The following SHOC1 variants were observed in gnomAD, a reference collection of about 807,000 sequenced individuals.
The protein encoded by SHOC1 is shortage in chiasmata 1, also known as protein shortage in chiasmata 1 ortholog.
A neutral mutation model predicts 179.2 loss-of-function variants in SHOC1; 136 were observed. That is an observed-to-expected ratio of 0.76 (90% CI 0.66 to 0.87). The LOEUF (loss-of-function observed/expected upper bound fraction) is 0.87, where lower values mean the gene tolerates loss of function less well. Ranked by LOEUF, SHOC1 falls within the 40% of genes least tolerant of loss-of-function variation. The pLI is 0.00. For missense variants in SHOC1, 1,538 were observed against 1,700.8 expected (o/e 0.90, Z 1.68); for synonymous variants, 489 against 586.6 (o/e 0.83, Z 2.41).
Position 111,727,753 on chromosome 9 carries a change from A to C in SHOC1, c.1714T>G (p.Phe572Val). Residue 572 changes from phenylalanine to valine, a missense_variant, in exon 13 of 28, where the codon TTT (phenylalanine) becomes GTT (valine). Physicochemically the swap from Phe to Val is conservative, Grantham distance 50. Coordinates refer to ENST00000682961, the MANE Select transcript of SHOC1 (RefSeq NM_001378211.1). ...PSSSIIKKAS[F>V]EHGKKQENDL... ...TTCTCTTGTTTTTTGCCATGTTCAA[A>C]AGATGCTTTTTTAATTATTGAAGAG... The C allele has an allele frequency of 6.2e-7, 1 of 1,613,460 alleles. No homozygotes were observed. Among genetic ancestry groups the C allele is most frequent in the Non-Finnish European group, 8.5e-7 (1 of 1,179,674 alleles).
At chr9:111,767,511 T>G (rs1835402705) in intron 5 of SHOC1, among the ~76,000 whole-genome samples, 1 of 152,210 alleles carries the variant, frequency 6.6e-6, no homozygotes, top group African/African-American at 2.4e-5. Flanking sequence ...ACTGGATTTA[T>G]AGTGGGGTTC....
chr9:111,761,743 G>A (rs1835147417), intron 5 of SHOC1, among the ~76,000 whole-genome samples: 1 of 152,002 alleles, frequency 6.6e-6, no homozygotes, highest in Non-Finnish European at 1.5e-5. Context: ...AAAACAAAAA[G>A]ATGCAGATGG....
At chr9:111,784,358 A>AC (rs896293562) in intron 3 of SHOC1, among the ~76,000 whole-genome samples, 1 of 151,996 alleles carries the variant, frequency 6.6e-6, no homozygotes, top group Non-Finnish European at 1.5e-5. Context: ...CTATTTTGTG[A>AC]CCCCCTCACT....
intron 12 of SHOC1, among the ~76,000 whole-genome samples, chr9:111,731,421 C>T (rs1833562561): frequency 1.3e-5 from 2 of 152,110 alleles, no homozygotes; most frequent in African/African-American, 4.8e-5. Flanking sequence ...TTACAGGCCA[C>T]TGTAGGGTTA....
At chr9:111,722,871 G>A (rs1385324591) in intron 14 of SHOC1, among the ~76,000 whole-genome samples, 1 of 152,050 alleles carries the variant, frequency 6.6e-6, no homozygotes, top group East Asian at 1.9e-4. Flanking sequence ...GCGCCATCTC[G>A]GCTCACTGCA....
chr9:111,766,714 C>A (rs1835375626), intron 5 of SHOC1, among the ~76,000 whole-genome samples: 1 of 152,102 alleles, frequency 6.6e-6, no homozygotes, highest in Non-Finnish European at 1.5e-5. Context: ...TGGGTTCAAG[C>A]AATTCTCCTG....
chr9:111,698,009 A>C (rs76658319), intron 24 of SHOC1, among the ~76,000 whole-genome samples: 8,534 of 152,230 alleles, frequency 0.056, 597 homozygotes, highest in African/African-American at 0.16. Context: ...GTGTCTGTTC[A>C]TATCTGTTGC....
intron 12 of SHOC1, among the ~76,000 whole-genome samples, chr9:111,736,776 ACAGT>A (rs906256437): frequency 1.7e-4 from 26 of 152,104 alleles, no homozygotes; most frequent in Admixed American, 1.7e-3. Context: ...GAGTAAACAG[ACAGT>A]CTACAGAATG....
Position 111,754,304 on chromosome 9 carries a change from A to T in SHOC1, c.862+2021T>A, listed in dbSNP as rs561818553. ...ATAACCCAACTAAAATGGGCAAAGG[A>T]TCTGAGTAGACATTTCTCCAAAGAA... On this transcript the variant is annotated intron_variant, in intron 8 of 27. Coordinates refer to ENST00000682961, the MANE Select transcript of SHOC1 (RefSeq NM_001378211.1). Among the ~76,000 whole-genome samples, 36 of 152,328 alleles carry T rather than the reference A, an allele frequency of 2.4e-4. No individual in the cohort carries two copies. The South Asian group carries it at 3.1e-3, about 13-fold the overall frequency.
chr9:111,759,129 A>C (rs370257643), intron 5 of SHOC1: 1 of 1,578,898 alleles, frequency 6.3e-7, no homozygotes, highest in Admixed American at 1.9e-5. Flanking sequence ...AGATTAATCA[A>C]TGGAGGAAAA....
chr9:111,694,283 C>T lies in SHOC1; in HGVS notation c.3263G>A (p.Arg1088Lys). 1 of 1,612,134 alleles carries T rather than the reference C, an allele frequency of 6.2e-7. No homozygotes were observed. The highest frequency in any genetic ancestry group is 8.5e-7 in the Non-Finnish European group (1 of 1,178,652). Residue 1088 changes from arginine (R) to lysine (K), a missense_variant, in exon 25 of 28, where the codon AGA becomes AAA. Physicochemically the swap from Arg to Lys is conservative, Grantham distance 26. Coordinates refer to ENST00000682961, the MANE Select transcript of SHOC1 (RefSeq NM_001378211.1). ...TTTATCCAACCATTCATGAGGATCT[C>T]TCTTTGAGGTCATTAAACTGTGGTC... ...IADHSLMTSK[R>K]DPHEWLDKSW... is the part of the protein sequence containing the mutation.
At chr9:111,758,901 A>C in intron 5 of SHOC1, 53 bp from the exon 6 acceptor site, 1 of 1,097,740 alleles carries the variant, frequency 9.1e-7, no homozygotes, top group Non-Finnish European at 1.3e-6. Flanking sequence ...AAAGTTATCC[A>C]AAGAGATCTA....
intron 3 of SHOC1, among the ~76,000 whole-genome samples, chr9:111,784,366 A>C (rs1188803724): frequency 6.6e-6 from 1 of 152,060 alleles, no homozygotes; most frequent in Non-Finnish European, 1.5e-5. Context: ...TGACCCCCTC[A>C]CTGTTGACAA....
Position 111,695,853 on chromosome 9 carries a change from A to G in SHOC1, c.3184-1491T>C, listed in dbSNP as rs527385479. Among the ~76,000 whole-genome samples, 10 of 152,298 alleles carry G rather than the reference A, an allele frequency of 6.6e-5. No individual in the cohort carries two copies. In the East Asian group the frequency reaches 1.9e-3, roughly 29 times the overall value. On this transcript the variant is annotated intron_variant, in intron 24 of 27. Transcript: ENST00000682961. The stretch of plus-strand genomic sequence containing the variant: ...AATAGAATGCTATAAATAGAAAGAT[A>G]TCTTTTGTTTCCAAAGTTGATATGC...
intron 27 of SHOC1, among the ~76,000 whole-genome samples, chr9:111,689,614 A>ACC (rs1831340103): frequency 6.8e-5 from 2 of 29,424 alleles, no homozygotes; most frequent in Admixed American, 4.6e-4. Context: ...AATTTTTTTT[A>ACC]ATTTAAATAA....
intron 8 of SHOC1, among the ~76,000 whole-genome samples, chr9:111,748,771 TTCCTTCCCTCCCTCCCCTCCCCC>T: frequency 7.4e-6 from 1 of 136,046 alleles, no homozygotes; most frequent in Non-Finnish European, 1.6e-5. Flanking sequence ...CTTTCCTTCC[TTCCTTCCCTCCCTCCCCTCCCCC>T]CCTTCCTTCC....
At chr9:111,723,717 G>A in intron 14 of SHOC1, 75 bp downstream of exon 14, 1 of 1,327,992 alleles carries the variant, frequency 7.5e-7, no homozygotes, top group Non-Finnish European at 1.1e-6. Context: ...GGAAAATGAG[G>A]TATGTCCTAG....
At chr9:111,738,600 A>T in intron 11 of SHOC1, 78 bp from the exon 12 acceptor site, 2 of 1,278,210 alleles carry the variant, frequency 1.6e-6, no homozygotes, top group Non-Finnish European at 2.0e-6. Flanking sequence ...ACAGAACCAC[A>T]CTGGAATTTC....
intron 2 of SHOC1, among the ~76,000 whole-genome samples, chr9:111,786,985 G>C (rs1218592258): frequency 2.0e-5 from 3 of 152,074 alleles, no homozygotes; most frequent in Non-Finnish European, 2.9e-5. Flanking sequence ...AATCTACCCT[G>C]TCTATGCTCT....
Sources: gnomAD v4.1 joint callset for allele counts (sites outside exome capture counted in the v4.1 genomes callset) on GRCh38, gnomAD v4.1.1 for gene constraint, MANE v1.5 for transcripts, NCBI Gene and HGNC (gene_info 2026-07-23, HGNC 2026-07-21) for gene names.